The following ELOVL6 variants were observed in gnomAD, a reference collection of about 807,000 sequenced individuals.
The protein encoded by ELOVL6 is ELOVL fatty acid elongase 6.
Under a neutral mutation model 31.7 loss-of-function variants are expected in ELOVL6, and 8 were observed. The ratio of observed to expected loss-of-function variants is 0.25; its 90% CI spans 0.15 to 0.45. The LOEUF (loss-of-function observed/expected upper bound fraction) is 0.45, where lower values mean the gene tolerates loss of function less well. ELOVL6 is among the 20% of genes least tolerant of loss of function. The pLI is 1.00. For missense variants in ELOVL6, 126 were observed against 326.4 expected, an observed-to-expected ratio of 0.39 and a Z score of 4.73; for synonymous variants, 101 against 117.7, an observed-to-expected ratio of 0.86 and a Z score of 0.92.
chr4:110,055,148 A>C (rs1196024527), intron 3 of ELOVL6, among the ~76,000 whole-genome samples: 3 of 152,192 alleles, frequency 2.0e-5, no homozygotes, highest in Non-Finnish European at 4.4e-5. Context: ...GCTGAGATGC[A>C]TCAGTCAGGC....
At chr4:110,087,959 C>G (rs1388529445) in intron 2 of ELOVL6, among the ~76,000 whole-genome samples, 1 of 152,056 alleles carries the variant, frequency 6.6e-6, no homozygotes, top group Non-Finnish European at 1.5e-5. Context: ...TTTTCAGATT[C>G]CGGCCTTCGT....
chr4:110,086,509 A>G (rs1218958205), intron 2 of ELOVL6, among the ~76,000 whole-genome samples: 1 of 152,162 alleles, frequency 6.6e-6, no homozygotes, highest in Non-Finnish European at 1.5e-5. Context: ...GCCACATGAG[A>G]GTAGTGTGTT....
intron 2 of ELOVL6, among the ~76,000 whole-genome samples, chr4:110,089,136 A>C (rs1450300991): frequency 6.6e-6 from 1 of 152,004 alleles, no homozygotes; most frequent in Non-Finnish European, 1.5e-5. Context: ...AGCTATTTCA[A>C]GTGATGAGCA....
intron 1 of ELOVL6, among the ~76,000 whole-genome samples, chr4:110,125,241 TTA>T (rs1386453052): frequency 6.6e-6 from 1 of 152,150 alleles, no homozygotes; most frequent in Non-Finnish European, 1.5e-5. Flanking sequence ...AGTAATAACA[TTA>T]TATACCTATA....
At chr4:110,133,259 C>T (rs1468294957) in intron 1 of ELOVL6, among the ~76,000 whole-genome samples, 1 of 152,014 alleles carries the variant, frequency 6.6e-6, no homozygotes, top group Non-Finnish European at 1.5e-5. Context: ...CTATTGTAAC[C>T]CACAGACACA....
Position 110,059,451 on chromosome 4 carries a change from AAGT to A in ELOVL6, c.373+149_373+151del, listed in dbSNP as rs1408481159. The A allele has an allele frequency of 2.0e-5, 15 of 736,324 alleles. No individual in the cohort carries two copies. In the Admixed American group the frequency reaches 2.8e-4, roughly 14 times the overall value. The allele number at this position is 736,324 out of a possible 1,614,324, so 45.6% of individuals were successfully genotyped here. The stretch of plus-strand genomic sequence containing the variant: ...AAGGAAAGAGGGAGCGAACAATAAA[AAGT>A]AGAAGTCAGGCAAGAACTCAAATTC... On this transcript the variant is annotated intron_variant, in intron 3 of 3. Coordinates refer to ENST00000302274, the MANE Select transcript of ELOVL6 (RefSeq NM_024090.3).
intron 1 of ELOVL6, among the ~76,000 whole-genome samples, chr4:110,159,945 G>T (rs961010060): frequency 4.6e-5 from 7 of 151,990 alleles, no homozygotes; most frequent in Admixed American, 4.6e-4. Flanking sequence ...CCTTTCCTGT[G>T]AACTTTCTAT....
At chr4:110,074,729 T>C (rs1325782050) in intron 2 of ELOVL6, among the ~76,000 whole-genome samples, 1 of 152,142 alleles carries the variant, frequency 6.6e-6, no homozygotes, top group Non-Finnish European at 1.5e-5. Context: ...TATTACATAA[T>C]AAACATTTTT....
At chr4:110,153,655 T>C (rs889828378) in intron 1 of ELOVL6, among the ~76,000 whole-genome samples, 5 of 152,234 alleles carry the variant, frequency 3.3e-5, no homozygotes, top group African/African-American at 1.2e-4. Context: ...GTTTTCTTCT[T>C]GGCACCCTGA....
chr4:110,155,332 A>G (rs1237348386), intron 1 of ELOVL6, among the ~76,000 whole-genome samples: 3 of 152,090 alleles, frequency 2.0e-5, no homozygotes, highest in Admixed American at 1.3e-4. Context: ...TACATATTAT[A>G]TAGTTATAGT....
chr4:110,111,544 G>A (rs1020329615), intron 1 of ELOVL6, among the ~76,000 whole-genome samples: 26 of 151,948 alleles, frequency 1.7e-4, no homozygotes, highest in Non-Finnish European at 4.4e-5. Flanking sequence ...CCTTATGTGA[G>A]AGTAAATTCT....
intron 1 of ELOVL6, among the ~76,000 whole-genome samples, chr4:110,165,512 G>GC (rs1333832654): frequency 6.6e-5 from 10 of 152,234 alleles, no homozygotes; most frequent in African/African-American, 2.4e-4. Context: ...TAATAGCACT[G>GC]CAAGAAACAG....
In ELOVL6 at chr4:110,059,937, CT is replaced by C. The variant is rs1394767946; in HGVS notation, c.222-184del. The C allele has an allele frequency of 5.5e-6, 3 of 542,326 alleles. No individual in the cohort carries two copies. The African/African-American group carries it at 5.7e-5, about 10-fold the overall frequency. The allele number at this position is 542,326 out of a possible 1,614,324, so 33.6% of individuals were successfully genotyped here. A position where few individuals can be genotyped will look rare whatever the true frequency, so the allele number is the denominator to read the frequency against. On this transcript the variant is annotated intron_variant, in intron 2 of 3. Transcript: ENST00000302274. ...AAGAGCTAATACAATGACTCAAGGG[CT>C]TTATTCTGAAACCATATATGATACC...
intron 3 of ELOVL6, among the ~76,000 whole-genome samples, chr4:110,055,841 G>C (rs1006781458): frequency 6.6e-6 from 1 of 152,156 alleles, no homozygotes; most frequent in Non-Finnish European, 1.5e-5. Flanking sequence ...TCAGAGATTT[G>C]GCACACAAAG....
intron 1 of ELOVL6, among the ~76,000 whole-genome samples, chr4:110,189,613 A>AAAAAAG (rs1553963363): frequency 9.5e-6 from 1 of 105,186 alleles, no homozygotes; most frequent in African/African-American, 3.5e-5. Context: ...AAAAAAAAAA[A>AAAAAAG]AGAGAGAGAG....
intron 1 of ELOVL6, among the ~76,000 whole-genome samples, chr4:110,127,995 C>A (rs1290916545): frequency 6.6e-6 from 1 of 151,484 alleles, no homozygotes; most frequent in Non-Finnish European, 1.5e-5. Context: ...ATCACTGGAG[C>A]CCAGGAGTTC....
chr4:110,144,732 G>A (rs1274438503), intron 1 of ELOVL6, among the ~76,000 whole-genome samples: 4 of 152,142 alleles, frequency 2.6e-5, no homozygotes, highest in African/African-American at 9.7e-5. Flanking sequence ...AATACAATTT[G>A]TAAGCAACTC....
At chr4:110,112,912 A>C (rs1232443162) in intron 1 of ELOVL6, among the ~76,000 whole-genome samples, 2 of 150,750 alleles carry the variant, frequency 1.3e-5, no homozygotes, top group African/African-American at 4.9e-5. Flanking sequence ...AAATCCATTC[A>C]ATTTTTTATC....
intron 2 of ELOVL6, among the ~76,000 whole-genome samples, chr4:110,063,076 G>A (rs910859887): frequency 1.3e-5 from 2 of 152,082 alleles, no homozygotes; most frequent in Non-Finnish European, 2.9e-5. Flanking sequence ...AACCCTCAAT[G>A]TTGAAAATCA....
Sources: allele counts gnomAD v4.1 joint callset (sites outside exome capture counted in the v4.1 genomes callset), GRCh38; gene constraint gnomAD v4.1.1; transcripts MANE v1.5; gene names NCBI Gene and HGNC (gene_info 2026-07-23, HGNC 2026-07-21).